PCMTD1: variants seen among roughly 807,000 people sequenced by gnomAD.
PCMTD1 encodes the protein protein-L-isoaspartate (D-aspartate) O-methyltransferase domain containing 1.
In PCMTD1, 12 loss-of-function variants were observed where a neutral mutation model predicts 37.6. That is an observed-to-expected ratio of 0.32 (90% CI 0.20 to 0.52). The LOEUF (loss-of-function observed/expected upper bound fraction) is 0.52. PCMTD1 is among the 20% of genes least tolerant of loss of function. The pLI is 0.97. For missense variants in PCMTD1, 235 were observed against 421.3 expected (o/e 0.56, Z 3.87); for synonymous variants, 117 against 135.8 (o/e 0.86, Z 0.96).
At chr8:51,878,120 C>A (rs2038738684) in intron 1 of PCMTD1, among the ~76,000 whole-genome samples, 1 of 152,194 alleles carries the variant, frequency 6.6e-6, no homozygotes, top group South Asian at 2.1e-4. Context: ...CATTGTGACT[C>A]TAAGCAAACG....
At chr8:51,837,865 C>T (rs2038090151) in intron 3 of PCMTD1, among the ~76,000 whole-genome samples, 1 of 152,066 alleles carries the variant, frequency 6.6e-6, no homozygotes, top group Admixed American at 6.6e-5. Flanking sequence ...CTGCAACCTC[C>T]ACCTCTCGGG....
intron 1 of PCMTD1, among the ~76,000 whole-genome samples, chr8:51,892,018 T>C (rs968355068): frequency 6.6e-6 from 1 of 152,164 alleles, no homozygotes; most frequent in Non-Finnish European, 1.5e-5. Context: ...CATACCAAAC[T>C]GTTAAAAAAC....
At chr8:51,829,824 T>G (rs1229358293) in intron 5 of PCMTD1, among the ~76,000 whole-genome samples, 1 of 151,404 alleles carries the variant, frequency 6.6e-6, no homozygotes, top group East Asian at 1.9e-4. Context: ...CACCCAAAAG[T>G]CCCAAAGTCA....
chr8:51,862,967 C>T (rs1044827292), intron 1 of PCMTD1, among the ~76,000 whole-genome samples: 1 of 152,010 alleles, frequency 6.6e-6, no homozygotes, highest in Non-Finnish European at 1.5e-5. Context: ...TTCACTATTC[C>T]TTCAACAGGT....
chr8:51,837,475 T>G (rs2038084280), intron 3 of PCMTD1, among the ~76,000 whole-genome samples: 2 of 152,126 alleles, frequency 1.3e-5, no homozygotes, highest in Admixed American at 6.6e-5. Context: ...TAGAACATAT[T>G]AGAGAACTCA....
At chr8:51,842,285 T>C (rs529799848) in intron 3 of PCMTD1, among the ~76,000 whole-genome samples, 2 of 152,226 alleles carry the variant, frequency 1.3e-5, no homozygotes, top group South Asian at 2.1e-4. Flanking sequence ...AAAGAAAGAA[T>C]ACTACTTTCA....
intron 1 of PCMTD1, among the ~76,000 whole-genome samples, chr8:51,889,762 G>A (rs2038911320): frequency 6.6e-6 from 1 of 152,128 alleles, no homozygotes; most frequent in African/African-American, 2.4e-5. Context: ...CACATAAAGT[G>A]TCAGTTTTCC....
At chr8:51,887,545 T>C (rs1037877008) in intron 1 of PCMTD1, among the ~76,000 whole-genome samples, 1 of 152,056 alleles carries the variant, frequency 6.6e-6, no homozygotes, top group Non-Finnish European at 1.5e-5. Context: ...GCAATAACTA[T>C]GTATAAACTA....
chr8:51,866,729 C>A (rs888598099), intron 1 of PCMTD1, among the ~76,000 whole-genome samples: 2 of 151,996 alleles, frequency 1.3e-5, no homozygotes, highest in African/African-American at 4.8e-5. Flanking sequence ...GCAAAGATTT[C>A]TTGGATATGA....
At chr8:51,867,856 T>C (rs1454778122) in intron 1 of PCMTD1, among the ~76,000 whole-genome samples, 3 of 151,942 alleles carry the variant, frequency 2.0e-5, no homozygotes, top group Non-Finnish European at 4.4e-5. Flanking sequence ...TCAAAGGGCA[T>C]AAAGTTTCTG....
chr8:51,879,094 C>T (rs766546008), intron 1 of PCMTD1, among the ~76,000 whole-genome samples: 1 of 151,968 alleles, frequency 6.6e-6, no homozygotes, highest in Non-Finnish European at 1.5e-5. Context: ...CCACTGTAGT[C>T]TGGCCTGGGA....
chr8:51,858,775 T>G (rs573894318), intron 2 of PCMTD1, among the ~76,000 whole-genome samples: 1 of 152,194 alleles, frequency 6.6e-6, no homozygotes, highest in African/African-American at 2.4e-5. Flanking sequence ...AATCCTGGAA[T>G]AGTATCCAGG....
intron 1 of PCMTD1, chr8:51,896,492 A>G (rs1430047129): frequency 6.6e-6 from 1 of 152,210 alleles, no homozygotes; most frequent in East Asian, 1.9e-4. Context: ...GTTTACTGAT[A>G]TGAGACTATC....
intron 3 of PCMTD1, chr8:51,839,326 G>GA (rs144084210): frequency 0.021 from 7,489 of 360,398 alleles, 512 homozygotes; most frequent in African/African-American, 0.14. Context: ...AAAAGTAATT[G>GA]ACATACTCTT....
At chr8:51,887,045 G>A (rs1462810112) in intron 1 of PCMTD1, among the ~76,000 whole-genome samples, 1 of 150,878 alleles carries the variant, frequency 6.6e-6, no homozygotes, top group Non-Finnish European at 1.5e-5. Context: ...CTTTTCTGCT[G>A]TCTCTCTGGT....
At chr8:51,881,395 G>C (rs1212417477) in intron 1 of PCMTD1, among the ~76,000 whole-genome samples, 1 of 152,120 alleles carries the variant, frequency 6.6e-6, no homozygotes, top group African/African-American at 2.4e-5. Flanking sequence ...AACCCCTCAA[G>C]ACTAGGCTCC....
chr8:51,895,597 A>C (rs942018176), intron 1 of PCMTD1, among the ~76,000 whole-genome samples: 6 of 152,216 alleles, frequency 3.9e-5, no homozygotes, highest in Admixed American at 2.0e-4. Flanking sequence ...TCCCATCAGC[A>C]ATACCTCTCA....
Position 51,860,804 on chromosome 8 carries a change from G to A in PCMTD1, c.307+41C>T, listed in dbSNP as rs2129286686. The A allele has an allele frequency of 2.7e-6, 4 of 1,460,606 alleles. No homozygotes were observed. The African/African-American group carries it at 4.3e-5, about 16-fold the overall frequency. 90.5% of individuals were successfully genotyped at this position (1,460,606 alleles called of 1,614,324 possible). A position where few individuals can be genotyped will look rare whatever the true frequency, so the allele number is the denominator to read the frequency against. ...TAAATCATAAACCATAATACAAAAT[G>A]GCTTATTTTTTAAAATAGAATTTTA... On this transcript the variant is annotated intron_variant, in intron 2 of 5. Transcript: ENST00000522514.
intron 1 of PCMTD1, among the ~76,000 whole-genome samples, chr8:51,897,551 A>G (rs1481827267): frequency 6.6e-6 from 1 of 152,252 alleles, no homozygotes; most frequent in African/African-American, 2.4e-5. Flanking sequence ...AAACTAATTC[A>G]GCAACTTTAT....
Sources: allele counts gnomAD v4.1 joint callset (sites outside exome capture counted in the v4.1 genomes callset), GRCh38; gene constraint gnomAD v4.1.1; transcripts MANE v1.5; gene names NCBI Gene and HGNC (gene_info 2026-07-23, HGNC 2026-07-21).